TMEM132B: variants seen among roughly 807,000 people sequenced by gnomAD.
TMEM132B encodes the protein transmembrane protein 132B.
In TMEM132B, 18 loss-of-function variants were observed where a neutral mutation model predicts 90.8. The ratio of observed to expected loss-of-function variants is 0.20; its 90% CI spans 0.14 to 0.29. TMEM132B has a LOEUF of 0.29. TMEM132B is among the 10% of genes least tolerant of loss of function. TMEM132B has a pLI of 1.00. For missense variants in TMEM132B, 1,096 were observed against 1,326.8 expected, an observed-to-expected ratio of 0.83 and a Z score of 2.70; for synonymous variants, 504 against 523.3, an observed-to-expected ratio of 0.96 and a Z score of 0.50.
At chr12:125,552,212 C>G (rs556993412) in intron 4 of TMEM132B, among the ~76,000 whole-genome samples, 2 of 152,232 alleles carry the variant, frequency 1.3e-5, no homozygotes, top group Non-Finnish European at 2.9e-5. Context: ...GTAGCTGGCT[C>G]TAAGCTCCTA....
chr12:125,573,171 A>C (rs552871197), intron 4 of TMEM132B, among the ~76,000 whole-genome samples: 25 of 152,260 alleles, frequency 1.6e-4, no homozygotes, highest in African/African-American at 5.8e-4. Flanking sequence ...CTGATTGCTA[A>C]AGGGGTGTTA....
At chr12:125,385,514 C>G (rs1372084325) in intron 2 of TMEM132B, among the ~76,000 whole-genome samples, 2 of 152,090 alleles carry the variant, frequency 1.3e-5, no homozygotes, top group Admixed American at 1.3e-4. Context: ...CCAGAGGGAG[C>G]CTTTTTAGTG....
At chr12:125,565,841 C>A (rs1336158618) in intron 4 of TMEM132B, among the ~76,000 whole-genome samples, 1 of 152,174 alleles carries the variant, frequency 6.6e-6, no homozygotes, top group Non-Finnish European at 1.5e-5. Context: ...GGCTAAAAGG[C>A]AACTTTTGGG....
intron 3 of TMEM132B, among the ~76,000 whole-genome samples, chr12:125,509,142 A>G (rs1215890979): frequency 2.6e-5 from 4 of 152,108 alleles, no homozygotes; most frequent in Non-Finnish European, 5.9e-5. Flanking sequence ...TGGATATATA[A>G]CAGGCACAGG....
intron 1 of TMEM132B, among the ~76,000 whole-genome samples, chr12:125,219,426 G>A (rs1873510500): frequency 1.3e-5 from 2 of 152,290 alleles, no homozygotes; most frequent in South Asian, 2.1e-4. Context: ...CAACTGAAGT[G>A]TGCCTGGAGT....
rs1264756725 is a variant in TMEM132B, at chr12:125,209,752, G to A, written c.67+22886G>A. On this transcript the variant is annotated intron_variant, in intron 1 of 8. Transcript: ENST00000682704. This position sits in a 1 kb window ranked among gnomAD's most constrained non-coding sequence, Gnocchi z 4.4. ...CCTTTGTTATCTGATGGAATGCAAG[G>A]GTTACTAATTTTATTAAAGAACACA... 6.6e-6 allele frequency among the ~76,000 whole-genome samples: 1 copy of A among 152,146 alleles called. No individual in the cohort carries two copies. Among genetic ancestry groups the A allele is most frequent in the Non-Finnish European group, 1.5e-5 (1 of 68,022 alleles).
chr12:125,245,517 C>G (rs1296285740), intron 1 of TMEM132B, among the ~76,000 whole-genome samples: 1 of 152,172 alleles, frequency 6.6e-6, no homozygotes, highest in Admixed American at 6.5e-5. Context: ...CTGAGACAGG[C>G]AGGACCCAGG....
chr12:125,441,618 G>T (rs968106162), intron 3 of TMEM132B, among the ~76,000 whole-genome samples: 1 of 152,152 alleles, frequency 6.6e-6, no homozygotes, highest in African/African-American at 2.4e-5. Context: ...CACCCTATTG[G>T]GGTCTGACAG....
At chr12:125,594,494 A>G (rs372072982) in intron 5 of TMEM132B, among the ~76,000 whole-genome samples, 1 of 152,142 alleles carries the variant, frequency 6.6e-6, no homozygotes, top group Admixed American at 6.5e-5. Context: ...TTACTTTCCC[A>G]CTATCAGGAT....
intron 3 of TMEM132B, among the ~76,000 whole-genome samples, chr12:125,483,779 G>A (rs1455893174): frequency 6.6e-6 from 1 of 152,162 alleles, no homozygotes; most frequent in African/African-American, 2.4e-5. Flanking sequence ...CTTTAGGGTT[G>A]TGCCTTTAAT....
chr12:125,491,784 C>T (rs1387905392), intron 3 of TMEM132B, among the ~76,000 whole-genome samples: 3 of 152,158 alleles, frequency 2.0e-5, no homozygotes, highest in South Asian at 2.1e-4. Flanking sequence ...TCCACCCAGC[C>T]GTGCACCCTG....
At chr12:125,632,717 C>T (rs1011513771) in intron 5 of TMEM132B, among the ~76,000 whole-genome samples, 76 of 150,990 alleles carry the variant, frequency 5.0e-4, no homozygotes, top group Admixed American at 4.9e-3. Flanking sequence ...TATGTCATGC[C>T]ACTCTCTTCT....
Position 125,519,543 on chromosome 12 carries a change from T to C in TMEM132B, c.1211T>C (p.Ile404Thr), listed in dbSNP as rs373875024. The C allele has an allele frequency of 4.0e-5, 65 of 1,614,010 alleles. No individual in the cohort carries two copies. The highest frequency in any genetic ancestry group is 5.1e-5 in the Non-Finnish European group (60 of 1,180,028). The part of the protein sequence containing the change: ...QQITWQVEYP[I>T]EDSMSELVVS... ...ATTACCTGGCAGGTGGAGTACCCGA[T>C]TGAGGACTCCATGAGTGAGCTGGTC... is the stretch of plus-strand genomic sequence containing the variant. The change falls in exon 4 of 9, where the codon ATT becomes ACT. Residue 404 changes from isoleucine (I) to threonine (T), a missense_variant. Transcript: ENST00000682704.
chr12:125,300,027 C>T (rs1191474360), intron 1 of TMEM132B, among the ~76,000 whole-genome samples: 2 of 152,244 alleles, frequency 1.3e-5, no homozygotes, highest in African/African-American at 2.4e-5. Flanking sequence ...TCCTCCCATG[C>T]GCCCTGCGTG....
intron 3 of TMEM132B, among the ~76,000 whole-genome samples, chr12:125,494,418 C>G (rs1383641916): frequency 7.1e-6 from 1 of 140,898 alleles, no homozygotes; most frequent in Non-Finnish European, 1.5e-5. Flanking sequence ...CCTCCTCCCC[C>G]TCCTCCCTGG....
rs530878323 is a variant in TMEM132B, at chr12:125,532,704, G to A, written c.1293+13079G>A. Among the ~76,000 whole-genome samples the A allele has an allele frequency of 4.5e-4, 68 of 151,952 alleles. 1 individual carries two copies. In the South Asian group the frequency reaches 8.6e-3, roughly 19 times the overall value. On this transcript the variant is annotated intron_variant, in intron 4 of 8. Transcript: ENST00000682704. ...TAATTTTTGTATTTTTAGTAGAGAC[G>A]GGGTTTCACCATGTTGGCCAGGCTG... is the stretch of plus-strand genomic sequence containing the variant.
At chr12:125,393,574 A>G (rs995065591) in intron 2 of TMEM132B, among the ~76,000 whole-genome samples, 8 of 152,126 alleles carry the variant, frequency 5.3e-5, no homozygotes, top group African/African-American at 1.7e-4. Flanking sequence ...TGTGAGCTAT[A>G]AAGGTTTCAG....
intron 1 of TMEM132B, among the ~76,000 whole-genome samples, chr12:125,223,609 A>C (rs182663431): frequency 2.8e-4 from 42 of 152,330 alleles, no homozygotes; most frequent in African/African-American, 9.9e-4. Flanking sequence ...CTAATTCCAG[A>C]ACATTTTCAT....
At chr12:125,362,385 T>A (rs1381770760) in intron 2 of TMEM132B, among the ~76,000 whole-genome samples, 27 of 152,206 alleles carry the variant, frequency 1.8e-4, no homozygotes. Context: ...TCAAATGACC[T>A]GGAATATTGT....
Sources: gnomAD v4.1 joint callset for allele counts (sites outside exome capture counted in the v4.1 genomes callset) on GRCh38, gnomAD v4.1.1 for gene constraint, Gnocchi (gnomAD v3.1) non-coding constraint, MANE v1.5 for transcripts, NCBI Gene and HGNC (gene_info 2026-07-23, HGNC 2026-07-21) for gene names.